The following ZNF469 variants were observed in gnomAD, a reference collection of about 807,000 sequenced individuals.
The protein encoded by ZNF469 is zinc finger protein 469.
In ZNF469, 1 loss-of-function variant was observed where a neutral mutation model predicts 1.0. The ratio of observed to expected loss-of-function variants is 1.00; its 90% CI spans 0.35 to 4.73. The LOEUF (loss-of-function observed/expected upper bound fraction) is 4.73, where lower values mean the gene tolerates loss of function less well. Ranked by LOEUF, ZNF469 falls within the 30% of genes most tolerant of loss-of-function variation. ZNF469 has a pLI of 0.16. For missense variants in ZNF469, 6,100 were observed against 5,356.3 expected (o/e 1.14, Z -4.33); for synonymous variants, 2,703 against 2,363.4 (o/e 1.14, Z -4.17).
the ZNF469 span, among the ~76,000 whole-genome samples, chr16:88,331,578 C>CCACCACCACAATCACCACTATCAT: frequency 6.7e-6 from 1 of 148,704 alleles, no homozygotes; most frequent in African/African-American, 2.5e-5. Flanking sequence ...ACCACCACCA[C>CCACCACCACAATCACCACTATCAT]CACCACCACC....
chr16:88,261,936 T>C, the ZNF469 span, among the ~76,000 whole-genome samples: 11 of 152,134 alleles, frequency 7.2e-5, no homozygotes, highest in Non-Finnish European at 1.3e-4. This position sits in a 1 kb window ranked among gnomAD's most constrained non-coding sequence, Gnocchi z 6.0. Flanking sequence ...CACACCCCAG[T>C]GAACCACAGA....
At position 88,438,818 on chromosome 16, in the gene ZNF469, G is replaced by A. The variant is rs775689897; in HGVS notation, c.11348G>A (p.Arg3783Gln). Residue 3783 changes from arginine to glutamine, a missense_variant, in exon 3 of 3, where the codon CGA becomes CAA. Coordinates refer to ENST00000565624, the MANE Select transcript of ZNF469 (RefSeq NM_001367624.2). ...RSPAPERLPARAQAKSCTKGP... is the reference protein window; with the variant it reads ...RSPAPERLPAQAQAKSCTKGP... ...CCTGCACCAGAGAGGCTCCCCGCTCGAGCCCAAGCCAAGAGCTGCACCAAG... is the reference window on the plus strand; with the variant it reads ...CCTGCACCAGAGAGGCTCCCCGCTCAAGCCCAAGCCAAGAGCTGCACCAAG... 22 of 1,550,322 alleles carry A rather than the reference G, an allele frequency of 1.4e-5. No individual in the cohort carries two copies. The Admixed American group carries it at 2.7e-4, about 19-fold the overall frequency.
At chr16:88,160,866 G>A in the ZNF469 span, among the ~76,000 whole-genome samples, 1 of 152,222 alleles carries the variant, frequency 6.6e-6, no homozygotes, top group African/African-American at 2.4e-5. Context: ...TTAAAGGCCA[G>A]GTGCGATGGC....
At chr16:88,112,125 G>T in the ZNF469 span, among the ~76,000 whole-genome samples, 2 of 152,140 alleles carry the variant, frequency 1.3e-5, no homozygotes, top group Non-Finnish European at 2.9e-5. Context: ...TCTTGATACT[G>T]TGAACAGTGC....
chr16:88,155,032 A>T, the ZNF469 span, among the ~76,000 whole-genome samples: 1 of 152,244 alleles, frequency 6.6e-6, no homozygotes, highest in African/African-American at 2.4e-5. Flanking sequence ...CTGCAGGTCC[A>T]GGTGGGGCTG....
At chr16:88,282,886 A>C in the ZNF469 span, among the ~76,000 whole-genome samples, 174 of 152,316 alleles carry the variant, frequency 1.1e-3, 3 homozygotes, top group East Asian at 0.03. Flanking sequence ...CAGGGAGTGC[A>C]GCATTCTGGG....
At chr16:88,325,299 G>A in the ZNF469 span, among the ~76,000 whole-genome samples, 9 of 128,304 alleles carry the variant, frequency 7.0e-5, no homozygotes, top group Admixed American at 6.0e-4. Context: ...GGTGCACCCC[G>A]GGGGGCCGCA....
chr16:88,101,898 C>G, the ZNF469 span, among the ~76,000 whole-genome samples: 24 of 152,284 alleles, frequency 1.6e-4, 1 homozygote, highest in South Asian at 3.5e-3. Context: ...AAAGCCGTCA[C>G]GCTGGGAGGT....
Position 88,437,167 on chromosome 16 carries a change from G to C in ZNF469, c.9697G>C (p.Glu3233Gln). The C allele has an allele frequency of 1.3e-6, 2 of 1,549,434 alleles. No individual in the cohort carries two copies. Among genetic ancestry groups the C allele is most frequent in the Non-Finnish European group, 1.7e-6 (2 of 1,146,602 alleles). Residue 3233 changes from glutamate to glutamine, a missense_variant, in exon 3 of 3, where the codon GAA becomes CAA. Physicochemically the swap from Glu to Gln is conservative, Grantham distance 29. Transcript: ENST00000565624. ...AVAHLLNSIT[E>Q]PAPKHHRGKR... is the part of the protein sequence containing the mutation. ...CGCCCACCTTCTGAACAGCATCACG[G>C]AACCCGCGCCCAAACACCACAGGGG...
the ZNF469 span, among the ~76,000 whole-genome samples, chr16:88,143,975 C>A: frequency 6.6e-6 from 1 of 152,256 alleles, no homozygotes; most frequent in African/African-American, 2.4e-5. Context: ...CCCTTCCTCC[C>A]GCCCATCGTC....
chr16:88,354,942 G>C, the ZNF469 span, among the ~76,000 whole-genome samples: 4 of 152,196 alleles, frequency 2.6e-5, no homozygotes, highest in Non-Finnish European at 4.4e-5. Context: ...GGGGCAGGGG[G>C]CTGAGAAGAG....
chr16:88,255,840 G>A, the ZNF469 span, among the ~76,000 whole-genome samples: 3 of 152,300 alleles, frequency 2.0e-5, no homozygotes, highest in South Asian at 6.2e-4. Context: ...GTTTATTACA[G>A]GGTTGGAATG....
the ZNF469 span, among the ~76,000 whole-genome samples, chr16:88,226,745 C>A: frequency 6.8e-6 from 1 of 146,140 alleles, no homozygotes; most frequent in South Asian, 2.2e-4. Context: ...GCCCGCCCCC[C>A]AACCCCCACC....
At chr16:88,201,985 C>T in the ZNF469 span, among the ~76,000 whole-genome samples, 1 of 152,160 alleles carries the variant, frequency 6.6e-6, no homozygotes, top group East Asian at 1.9e-4. This position sits in a 1 kb window ranked among gnomAD's most constrained non-coding sequence, Gnocchi z 5.0. Context: ...CCTGTTCCTC[C>T]TCCCTTTTTG....
At chr16:88,276,873 C>T in the ZNF469 span, among the ~76,000 whole-genome samples, 4 of 152,026 alleles carry the variant, frequency 2.6e-5, no homozygotes, top group South Asian at 2.1e-4. Context: ...GCCACGCTGA[C>T]GCTCGGTCAG....
chr16:88,209,798 C>T, the ZNF469 span, among the ~76,000 whole-genome samples: 4 of 152,332 alleles, frequency 2.6e-5, no homozygotes, highest in Non-Finnish European at 5.9e-5. Context: ...GTTCATTCAA[C>T]CTCTCTCCTG....
the ZNF469 span, among the ~76,000 whole-genome samples, chr16:88,367,017 C>G: frequency 6.6e-6 from 1 of 152,174 alleles, no homozygotes; most frequent in Non-Finnish European, 1.5e-5. Flanking sequence ...ATCTTCACCA[C>G]CACCACCAAC....
At chr16:88,230,573 CGCTGTGGGT>C in the ZNF469 span, among the ~76,000 whole-genome samples, 7 of 132,420 alleles carry the variant, frequency 5.3e-5, no homozygotes, top group Non-Finnish European at 6.8e-5. Context: ...GAGCAGGTGT[CGCTGTGGGT>C]AACTGGGCTC....
At chr16:88,236,907 C>T in the ZNF469 span, among the ~76,000 whole-genome samples, 4 of 152,070 alleles carry the variant, frequency 2.6e-5, no homozygotes, top group Non-Finnish European at 4.4e-5. Flanking sequence ...CAGTGCTCTG[C>T]CAAGCAAACC....
Sources: gnomAD v4.1 joint callset for allele counts (sites outside exome capture counted in the v4.1 genomes callset) on GRCh38, gnomAD v4.1.1 for gene constraint, Gnocchi (gnomAD v3.1) non-coding constraint, MANE v1.5 for transcripts, NCBI Gene and HGNC (gene_info 2026-07-23, HGNC 2026-07-21) for gene names.